REC114: variants seen among roughly 807,000 people sequenced by gnomAD.
REC114 encodes meiotic recombination protein REC114.
Under a neutral mutation model 31.3 loss-of-function variants are expected in REC114, and 27 were observed. That is an observed-to-expected ratio of 0.86 (90% CI 0.64 to 1.19). The LOEUF is 1.19. Among genes scored for constraint, REC114 ranks in the 50% most tolerant of loss-of-function variants. The probability of loss-of-function intolerance (pLI) is 0.00; values close to 1 mark genes in which losing one functional copy is unlikely to be tolerated. For synonymous variants in REC114, 134 were observed against 127.7 expected (o/e 1.05, Z -0.33); for missense variants, 344 against 326.9 (o/e 1.05, Z -0.40).
intron 2 of REC114, among the ~76,000 whole-genome samples, chr15:73,488,205 A>G (rs1164116535): frequency 1.3e-5 from 2 of 152,294 alleles, no homozygotes; most frequent in East Asian, 1.9e-4. Context: ...TGGACCTATG[A>G]TGGGTGTGGT....
At chr15:73,523,864 G>C (rs1893971003) in intron 2 of REC114, among the ~76,000 whole-genome samples, 1 of 152,134 alleles carries the variant, frequency 6.6e-6, no homozygotes, top group African/African-American at 2.4e-5. Flanking sequence ...TAATCTTTGT[G>C]TATGATGTGA....
rs1225620763 is a variant in REC114 at position 73,559,693 on chromosome 15, T to G, written c.637-59T>G. ...CTTAAAGCACTATTTGCCTGTGTTC[T>G]ATTAGCCAGGTATTGCTTTTACCTG... On this transcript the variant is annotated intron_variant, in intron 5 of 5. Transcript: ENST00000331090. 4 of 1,442,160 alleles carry G rather than the reference T, an allele frequency of 2.8e-6. No homozygotes were observed. In the African/African-American group the frequency reaches 4.4e-5, roughly 16 times the overall value. The allele number at this position is 1,442,160 out of a possible 1,614,324, so 89.3% of individuals were successfully genotyped here.
intron 1 of REC114, among the ~76,000 whole-genome samples, chr15:73,471,569 G>A (rs1893132585): frequency 6.6e-6 from 1 of 152,050 alleles, no homozygotes; most frequent in Admixed American, 6.5e-5. Flanking sequence ...GATGTTGATT[G>A]GGTGATTAAA....
At chr15:73,465,860 A>G (rs1893049762) in intron 1 of REC114, among the ~76,000 whole-genome samples, 1 of 152,060 alleles carries the variant, frequency 6.6e-6, no homozygotes, top group South Asian at 2.1e-4. Context: ...GTGTTATTTT[A>G]TTTTATTTTG....
At chr15:73,515,951 A>G (rs1893852464) in intron 2 of REC114, among the ~76,000 whole-genome samples, 1 of 151,776 alleles carries the variant, frequency 6.6e-6, no homozygotes. Context: ...CATTTTACTA[A>G]CAAGGAACTG....
intron 2 of REC114, among the ~76,000 whole-genome samples, chr15:73,485,122 C>T (rs1893347594): frequency 6.6e-6 from 1 of 152,212 alleles, no homozygotes; most frequent in Non-Finnish European, 1.5e-5. Flanking sequence ...GATGGAGTCT[C>T]ACTCTGTCTC....
At chr15:73,544,455 CATT>C (rs1284925017) in intron 3 of REC114, among the ~76,000 whole-genome samples, 1 of 152,104 alleles carries the variant, frequency 6.6e-6, no homozygotes, top group Non-Finnish European at 1.5e-5. Context: ...GAGTAGTAAA[CATT>C]ATATTTCTTT....
chr15:73,557,404 A>G, intron 5 of REC114, among the ~76,000 whole-genome samples: 1 of 146,742 alleles, frequency 6.8e-6, no homozygotes, highest in Non-Finnish European at 1.5e-5. Flanking sequence ...AAACTGTACT[A>G]TCAGTAGTTT....
At chr15:73,552,476 A>G (rs773528108) in intron 4 of REC114, among the ~76,000 whole-genome samples, 4 of 152,242 alleles carry the variant, frequency 2.6e-5, no homozygotes, top group Non-Finnish European at 5.9e-5. Flanking sequence ...ATTATTTTTA[A>G]TGAACATTTT....
chr15:73,456,166 G>T (rs762400905), intron 1 of REC114, among the ~76,000 whole-genome samples: 1 of 152,084 alleles, frequency 6.6e-6, no homozygotes, highest in Non-Finnish European at 1.5e-5. Context: ...TATAATAACA[G>T]ATTGGTCCAT....
chr15:73,547,542 G>A (rs1312753491), intron 3 of REC114, among the ~76,000 whole-genome samples: 1 of 152,172 alleles, frequency 6.6e-6, no homozygotes, highest in African/African-American at 2.4e-5. Flanking sequence ...TACTACTGCT[G>A]GATATGTACC....
intron 1 of REC114, among the ~76,000 whole-genome samples, chr15:73,455,074 C>T (rs919887290): frequency 6.6e-6 from 1 of 152,126 alleles, no homozygotes; most frequent in Non-Finnish European, 1.5e-5. Context: ...CTGTGCCGAA[C>T]CATCCTACCC....
At chr15:73,557,822 T>C (rs979736234) in intron 5 of REC114, among the ~76,000 whole-genome samples, 1 of 152,256 alleles carries the variant, frequency 6.6e-6, no homozygotes, top group African/African-American at 2.4e-5. Flanking sequence ...TTACTTGCTC[T>C]TATCTTTTGG....
intron 1 of REC114, among the ~76,000 whole-genome samples, chr15:73,469,165 T>C (rs1203341639): frequency 6.6e-6 from 1 of 152,196 alleles, no homozygotes; most frequent in African/African-American, 2.4e-5. Context: ...GGTGATTTGC[T>C]ATGTGCTTTT....
chr15:73,452,672 C>A lies in REC114; in HGVS notation c.159+9328C>A, dbSNP rs1226716937. On this transcript the variant is annotated intron_variant, in intron 1 of 5. Coordinates refer to ENST00000331090, the MANE Select transcript of REC114 (RefSeq NM_001042367.2). ...TGGAACCAAAAAAGAGCCTGCATAG[C>A]CAAGACAATCCTAAGCAAAAAGAAC... 5.3e-5 allele frequency among the ~76,000 whole-genome samples: 8 copies of A among 152,296 alleles called. No homozygotes were observed. In the East Asian group the frequency reaches 1.5e-3, roughly 29 times the overall value.
intron 1 of REC114, among the ~76,000 whole-genome samples, chr15:73,450,294 T>C (rs1054493854): frequency 6.6e-6 from 1 of 151,900 alleles, no homozygotes; most frequent in Non-Finnish European, 1.5e-5. Flanking sequence ...TGGAGGAATA[T>C]TTACCAAGCA....
intron 3 of REC114, among the ~76,000 whole-genome samples, chr15:73,546,215 C>A (rs1365092871): frequency 2.0e-5 from 3 of 150,438 alleles, no homozygotes; most frequent in Non-Finnish European, 4.4e-5. Flanking sequence ...AGTATGTTGA[C>A]AAAAATTTAA....
At chr15:73,550,915 A>G (rs1315443994) in intron 3 of REC114, 23 bp from the exon 4 acceptor site, 2 of 1,610,560 alleles carry the variant, frequency 1.2e-6, no homozygotes, top group African/African-American at 2.7e-5. Context: ...GTCTCTCATG[A>G]TAACTTTTGA....
chr15:73,534,482 A>T (rs1231390036), intron 2 of REC114, among the ~76,000 whole-genome samples: 3 of 152,238 alleles, frequency 2.0e-5, no homozygotes, highest in African/African-American at 7.2e-5. Context: ...TAAACCAGGA[A>T]GAAGTTGAAT....
Sources: allele counts gnomAD v4.1 joint callset (sites outside exome capture counted in the v4.1 genomes callset), GRCh38; gene constraint gnomAD v4.1.1; transcripts MANE v1.5; gene names NCBI Gene and HGNC (gene_info 2026-07-23, HGNC 2026-07-21).